The following PDE10A variants were observed in gnomAD, a reference collection of about 807,000 sequenced individuals.
The protein encoded by PDE10A is cAMP and cAMP-inhibited cGMP 3',5'-cyclic phosphodiesterase 10A.
PDE10A carries 39 observed loss-of-function variants against 97.7 expected under a neutral mutation model. That is an observed-to-expected ratio of 0.40 (90% CI 0.31 to 0.52). The LOEUF (loss-of-function observed/expected upper bound fraction) is 0.52, where lower values mean the gene tolerates loss of function less well. PDE10A is among the 20% of genes least tolerant of loss of function. The probability of loss-of-function intolerance (pLI) is 0.56; values close to 1 mark genes in which losing one functional copy is unlikely to be tolerated. For synonymous variants in PDE10A, 371 were observed against 376.8 expected, an observed-to-expected ratio of 0.98 and a Z score of 0.18; for missense variants, 731 against 1,047.8, an observed-to-expected ratio of 0.70 and a Z score of 4.17.
chr6:165,624,119 A>G (rs965205554), intron 1 of PDE10A, among the ~76,000 whole-genome samples: 32 of 152,194 alleles, frequency 2.1e-4, no homozygotes, highest in African/African-American at 6.8e-4. Context: ...CCTTGCCACC[A>G]TATCACATCA....
At chr6:165,882,060 C>T (rs936837806) in intron 1 of PDE10A, among the ~76,000 whole-genome samples, 1 of 152,176 alleles carries the variant, frequency 6.6e-6, no homozygotes, top group African/African-American at 2.4e-5. Context: ...ACACCAGTCA[C>T]GTAGAAATCA....
At chr6:165,668,288 C>G (rs1350407910) in intron 1 of PDE10A, among the ~76,000 whole-genome samples, 1 of 152,142 alleles carries the variant, frequency 6.6e-6, no homozygotes, top group Non-Finnish European at 1.5e-5. Flanking sequence ...ATGGTATACC[C>G]TGATTTCTAT....
chr6:165,647,144 C>T (rs1015775540), intron 1 of PDE10A, among the ~76,000 whole-genome samples: 3 of 152,164 alleles, frequency 2.0e-5, no homozygotes, highest in African/African-American at 4.8e-5. Context: ...AGTCCACACA[C>T]AGAGTTAAGA....
chr6:165,864,153 C>A (rs555268069), intron 1 of PDE10A, among the ~76,000 whole-genome samples: 2 of 145,556 alleles, frequency 1.4e-5, no homozygotes, highest in Non-Finnish European at 3.0e-5. Context: ...ATTTACTAAA[C>A]AGCAGCCAGC....
At chr6:165,701,670 T>C (rs1791574888) in intron 1 of PDE10A, among the ~76,000 whole-genome samples, 1 of 94,040 alleles carries the variant, frequency 1.1e-5, no homozygotes, top group Non-Finnish European at 2.3e-5. Context: ...TGTGCATGTA[T>C]GTTTGTGTGT....
At chr6:165,831,824 C>G (rs7772849) in intron 1 of PDE10A, among the ~76,000 whole-genome samples, 53,356 of 151,918 alleles carry the variant, frequency 0.35, 9,695 homozygotes, top group South Asian at 0.59. Context: ...CACTCTCCCC[C>G]CTGCCTTTTT....
At chr6:165,435,975 T>TG (rs1191027324) in intron 5 of PDE10A, among the ~76,000 whole-genome samples, 2 of 152,180 alleles carry the variant, frequency 1.3e-5, no homozygotes, top group Non-Finnish European at 2.9e-5. Context: ...TTCAAATGAC[T>TG]GGGTGGGAAG....
In PDE10A at chr6:165,881,392, C is replaced by CTT. The variant is rs68159417; in HGVS notation, c.-615+106135_-615+106136dup. Among the ~76,000 whole-genome samples the CTT allele has an allele frequency of 5.5e-4, 59 of 106,992 alleles. 1 individual carries two copies. The highest frequency in any genetic ancestry group is 1.2e-3 in the African/African-American group (29 of 25,020). The allele number at this position is 106,992 out of a possible 152,430, so 70.2% of individuals were successfully genotyped here. On this transcript the variant is annotated intron_variant, in intron 1 of 19. Coordinates refer to the PDE10A transcript ENST00000366882. ...AGCAATTTCTTTTCTTTTTTCTTTT[C>CTT]TTTTTTTTTTTTTTTTTTTTTTGAG... is the stretch of plus-strand genomic sequence containing the variant.
intron 1 of PDE10A, among the ~76,000 whole-genome samples, chr6:165,627,105 A>G (rs553930299): frequency 6.6e-6 from 1 of 152,316 alleles, no homozygotes; most frequent in East Asian, 1.9e-4. Context: ...AAACTACCCA[A>G]TTGCCTTAGG....
intron 1 of PDE10A, among the ~76,000 whole-genome samples, chr6:165,923,048 G>A (rs1199346926): frequency 6.6e-6 from 1 of 152,134 alleles, no homozygotes; most frequent in Non-Finnish European, 1.5e-5. Context: ...CCACTGTAAT[G>A]GGTACTATTA....
chr6:165,663,666 G>A (rs186666731), upstream of PDE10A, among the ~76,000 whole-genome samples: 260 of 152,328 alleles, frequency 1.7e-3, no homozygotes, highest in African/African-American at 5.8e-3. Flanking sequence ...TTTGAAATAC[G>A]GTTCCTCCCC....
chr6:165,448,966 C>A lies in PDE10A; in HGVS notation c.1156G>T (p.Asp386Tyr). 1 of 1,612,702 alleles carries A rather than the reference C, an allele frequency of 6.2e-7. No individual in the cohort carries two copies. The highest frequency in any genetic ancestry group is 8.5e-7 in the Non-Finnish European group (1 of 1,178,906). Residue 386 changes from aspartate (D) to tyrosine (Y), a missense_variant, in exon 5 of 22, where the codon GAT becomes TAT. Transcript: ENST00000539869. ...CCAAGGAAATACAGTGCAAATCCAT[C>A]GGCTTTTGTGGCTGCCAAAGTAATA... ...SSIIKIATKA[D>Y]GFALYFLGEC...
chr6:165,837,861 AT>A (rs1157648567), intron 1 of PDE10A, among the ~76,000 whole-genome samples: 1 of 151,764 alleles, frequency 6.6e-6, no homozygotes, highest in Non-Finnish European at 1.5e-5. Context: ...AATTTTTTGT[AT>A]TTTTAGTAGA....
intron 1 of PDE10A, among the ~76,000 whole-genome samples, chr6:165,586,523 T>C (rs912860142): frequency 1.3e-4 from 20 of 152,282 alleles, no homozygotes; most frequent in African/African-American, 4.3e-4. Context: ...AGAAGAGAAC[T>C]GATACTATAT....
chr6:165,432,778 T>C (rs773547031), intron 7 of PDE10A, among the ~76,000 whole-genome samples, 196 bp downstream of exon 7: 2 of 152,210 alleles, frequency 1.3e-5, no homozygotes, highest in African/African-American at 2.4e-5. Flanking sequence ...ATATCTCTTA[T>C]GTAACCTGTT....
In PDE10A at chr6:165,978,460, C is replaced by T. The variant is rs78777261; in HGVS notation, c.-615+9069G>A. On this transcript the variant is annotated intron_variant, in intron 1 of 19. Coordinates refer to the PDE10A transcript ENST00000366882. ...CAAGCGATCAAACTTAATGTCACCA[C>T]GACAGGACCTGCTGACATCAGGTGC... Among the ~76,000 whole-genome samples the T allele has an allele frequency of 1.0e-3, 152 of 152,288 alleles. 2 individuals carry two copies. In the East Asian group the frequency reaches 0.028, roughly 28 times the overall value.
intron 1 of PDE10A, among the ~76,000 whole-genome samples, chr6:165,821,970 G>C (rs1013098621): frequency 6.6e-6 from 1 of 152,078 alleles, no homozygotes; most frequent in African/African-American, 2.4e-5. Context: ...AGGATGAGTC[G>C]TGGCATCGTC....
At chr6:165,424,041 C>T (rs1005958498) in intron 10 of PDE10A, among the ~76,000 whole-genome samples, 5 of 152,132 alleles carry the variant, frequency 3.3e-5, no homozygotes, top group African/African-American at 1.2e-4. Context: ...CCCTCCCAGG[C>T]CTGGGTGACT....
chr6:165,582,141 C>T (rs1413728687), intron 1 of PDE10A, among the ~76,000 whole-genome samples: 1 of 152,142 alleles, frequency 6.6e-6, no homozygotes, highest in African/African-American at 2.4e-5. Context: ...TTTCCCAGGG[C>T]TTTTATGAAG....
Sources: gnomAD v4.1 joint callset for allele counts (sites outside exome capture counted in the v4.1 genomes callset) on GRCh38, gnomAD v4.1.1 for gene constraint, MANE v1.5 for transcripts, NCBI Gene and HGNC (gene_info 2026-07-23, HGNC 2026-07-21) for gene names.